Variants in GNG7 observed in about 807,000 individuals in gnomAD.
The protein encoded by GNG7 is guanine nucleotide-binding protein G(I)/G(S)/G(O) subunit gamma-7.
In GNG7, 1 loss-of-function variant was observed where a neutral mutation model predicts 4.0. The ratio of observed to expected loss-of-function variants is 0.25; its 90% CI spans 0.09 to 1.18. GNG7 has a LOEUF of 1.18. Ranked by LOEUF, GNG7 falls within the 50% of genes most tolerant of loss-of-function variation. The pLI is 0.50. For missense variants in GNG7, 86 were observed against 91.9 expected, an observed-to-expected ratio of 0.94 and a Z score of 0.26; for synonymous variants, 34 against 36.9, an observed-to-expected ratio of 0.92 and a Z score of 0.29.
chr19:2,647,387 G>A (rs932939933), intron 1 of GNG7, among the ~76,000 whole-genome samples: 7 of 152,108 alleles, frequency 4.6e-5, no homozygotes, highest in African/African-American at 9.7e-5. Flanking sequence ...CCTAGAAGCC[G>A]GGCCTGGCCT....
chr19:2,598,834 G>T (rs1981114448), intron 2 of GNG7, among the ~76,000 whole-genome samples: 1 of 151,848 alleles, frequency 6.6e-6, no homozygotes, highest in East Asian at 1.9e-4. Flanking sequence ...CTCAAAAGAA[G>T]GTGATCACGG....
Position 2,546,280 on chromosome 19 carries a change from C to A in GNG7, c.-38+8869G>T, listed in dbSNP as rs1051667846. ...CCAGGGTCTGCATGCAGAGACCCTG[C>A]ACCCAGCGTGGGCACCCACCCTGCA... On this transcript the variant is annotated intron_variant, in intron 3 of 4. Transcript: ENST00000382159. This position sits in a 1 kb window ranked among gnomAD's most constrained non-coding sequence, Gnocchi z 6.3. Among the ~76,000 whole-genome samples, 5 of 152,240 alleles carry A rather than the reference C, an allele frequency of 3.3e-5. No homozygotes were observed. Among genetic ancestry groups the A allele is most frequent in the Non-Finnish European group, 7.3e-5 (5 of 68,034 alleles).
intron 2 of GNG7, among the ~76,000 whole-genome samples, chr19:2,629,302 C>T (rs535664653): frequency 1.3e-5 from 2 of 152,304 alleles, no homozygotes; most frequent in South Asian, 4.1e-4. Context: ...TTCCACTCTA[C>T]CAGTCATCTC....
At chr19:2,561,130 A>G (rs189315174) in intron 2 of GNG7, among the ~76,000 whole-genome samples, 9 of 152,104 alleles carry the variant, frequency 5.9e-5, no homozygotes, top group African/African-American at 2.2e-4. Context: ...CAATGTGTGC[A>G]GCCTCCTGGG....
chr19:2,648,103 A>G (rs1046191749), intron 1 of GNG7, among the ~76,000 whole-genome samples: 1 of 151,992 alleles, frequency 6.6e-6, no homozygotes, highest in African/African-American at 2.4e-5. Context: ...ATTAGAAGAA[A>G]AAAACCGTGA....
chr19:2,590,216 T>C (rs1980796516), intron 2 of GNG7, among the ~76,000 whole-genome samples: 1 of 152,150 alleles, frequency 6.6e-6, no homozygotes, highest in Non-Finnish European at 1.5e-5. Flanking sequence ...ATTTTTCAAA[T>C]GAATCAGTTT....
chr19:2,545,434 C>T (rs1195293902), intron 3 of GNG7, among the ~76,000 whole-genome samples: 13 of 151,708 alleles, frequency 8.6e-5, no homozygotes, highest in African/African-American at 1.7e-4. Context: ...GATCACTTGA[C>T]GTCAGGGGTT....
chr19:2,702,686 G>T lies in GNG7; in HGVS notation c.-175C>A, dbSNP rs1913439224. The stretch of plus-strand genomic sequence containing the variant: ...GCGGCCGCCTCAGCCCCGCCGCGCA[G>T]CCGAACCCTCCGCCCCGGCCCGCGA... On this transcript the variant is annotated 5_prime_UTR_variant, in exon 1 of 5. The change creates a new upstream start codon in the 5' untranslated region. Transcript: ENST00000382159. 6.6e-6 allele frequency: 1 copy of T among 151,168 alleles called. No homozygotes were observed. Among genetic ancestry groups the T allele is most frequent in the African/African-American group, 2.4e-5 (1 of 41,286 alleles). 9.4% of individuals were successfully genotyped at this position (151,168 alleles called of 1,614,324 possible).
At chr19:2,522,216 C>T (rs759287655) in intron 3 of GNG7, among the ~76,000 whole-genome samples, 35 of 152,092 alleles carry the variant, frequency 2.3e-4, no homozygotes, top group African/African-American at 2.4e-4. Context: ...TCCAGCCCCA[C>T]GTGTCAGTAG....
chr19:2,514,845 G>A lies in GNG7; in HGVS notation c.*177C>T. 1 of 577,912 alleles carries A rather than the reference G, an allele frequency of 1.7e-6. No homozygotes were observed. Among genetic ancestry groups the A allele is most frequent in the Non-Finnish European group, 3.1e-6 (1 of 327,166 alleles). The allele number at this position is 577,912 out of a possible 1,614,324, so 35.8% of individuals were successfully genotyped here. ...AGGTCCATTCTACCCCATCCGGGCG[G>A]TGGGAACGCCTTTTTTGGCGGGGAG... On this transcript the variant is annotated 3_prime_UTR_variant, in exon 5 of 5. Transcript: ENST00000382159.
rs142690440 is a variant in GNG7 at position 2,678,429 on chromosome 19, A to G, written c.-135+24217T>C. ...TGCTGGGCTTGGGCACGGAGTCAAAAAAGTAACAGAGGAAAAGCCACGGAA... is the reference window on the plus strand; with the variant it reads ...TGCTGGGCTTGGGCACGGAGTCAAAGAAGTAACAGAGGAAAAGCCACGGAA... On this transcript the variant is annotated intron_variant, in intron 1 of 4. Transcript: ENST00000382159. 6.0e-4 allele frequency among the ~76,000 whole-genome samples: 91 copies of G among 152,316 alleles called. 1 individual carries two copies. In the East Asian group the frequency reaches 0.017, roughly 28 times the overall value.
chr19:2,673,295 A>C lies in GNG7; in HGVS notation c.-134-27015T>G, dbSNP rs530037093. On this transcript the variant is annotated intron_variant, in intron 1 of 4. Coordinates refer to ENST00000382159, the MANE Select transcript of GNG7 (RefSeq NM_052847.3). ...AAACAAAACAAAACAAAACAAAAAA[A>C]AACCCAGCAGGTCATCAAAACCAAT... Among the ~76,000 whole-genome samples the C allele has an allele frequency of 2.1e-4, 32 of 150,968 alleles. 1 individual carries two copies. In the East Asian group the frequency reaches 5.5e-3, roughly 26 times the overall value.
chr19:2,683,908 T>G (rs918061870), intron 1 of GNG7, among the ~76,000 whole-genome samples: 1 of 152,096 alleles, frequency 6.6e-6, no homozygotes, highest in African/African-American at 2.4e-5. Flanking sequence ...GTGGACAGCA[T>G]CGGCCAGAGG....
intron 2 of GNG7, among the ~76,000 whole-genome samples, chr19:2,569,825 C>A (rs1980092249): frequency 6.6e-6 from 1 of 152,168 alleles, no homozygotes; most frequent in Non-Finnish European, 1.5e-5. Flanking sequence ...CCACAAACGT[C>A]ACCAGACATC....
rs1982257220 is a variant in GNG7, at chr19:2,634,575, C to T, written c.-78+11649G>A. Among the ~76,000 whole-genome samples the T allele has an allele frequency of 6.6e-6, 1 of 151,926 alleles. No individual in the cohort carries two copies. The highest frequency in any genetic ancestry group is 2.4e-5 in the African/African-American group (1 of 41,326). On this transcript the variant is annotated intron_variant, in intron 2 of 4. Transcript: ENST00000382159. The surrounding 1 kb of genome is among the most constrained non-coding windows in gnomAD (Gnocchi z 5.3). ...AGCCCCTGATTTCGGCACAGCGCCC[C>T]GTAATTACTTGCGGGCTGCACACAC...
chr19:2,639,376 C>T (rs1982420190), intron 2 of GNG7, among the ~76,000 whole-genome samples: 1 of 151,896 alleles, frequency 6.6e-6, no homozygotes, highest in South Asian at 2.1e-4. Flanking sequence ...ACAGAAAGGT[C>T]AGCAAAGACC....
intron 3 of GNG7, among the ~76,000 whole-genome samples, chr19:2,542,184 G>A (rs1269520479): frequency 2.9e-5 from 4 of 139,442 alleles, no homozygotes; most frequent in African/African-American, 8.1e-5. Flanking sequence ...GCGTGATCTC[G>A]GCTCACCGCA....
At chr19:2,668,380 C>T (rs1422007627) in intron 1 of GNG7, among the ~76,000 whole-genome samples, 1 of 151,502 alleles carries the variant, frequency 6.6e-6, no homozygotes, top group Admixed American at 6.6e-5. Flanking sequence ...ACGCTAAAAA[C>T]GGGATATGCA....
At chr19:2,615,744 T>G (rs897786498) in intron 2 of GNG7, among the ~76,000 whole-genome samples, 2 of 151,926 alleles carry the variant, frequency 1.3e-5, no homozygotes, top group African/African-American at 4.8e-5. Flanking sequence ...ATTACAGGCA[T>G]GAGCCACCAC....
Sources: gnomAD v4.1 joint callset for allele counts (sites outside exome capture counted in the v4.1 genomes callset) on GRCh38, gnomAD v4.1.1 for gene constraint, Gnocchi (gnomAD v3.1) non-coding constraint, MANE v1.5 for transcripts, NCBI Gene and HGNC (gene_info 2026-07-23, HGNC 2026-07-21) for gene names.